Variants in BRWD1 observed in about 807,000 individuals in gnomAD.
BRWD1 encodes bromodomain and WD repeat domain containing 1.
A neutral mutation model predicts 251.2 loss-of-function variants in BRWD1; 82 were observed. The ratio of observed to expected loss-of-function variants is 0.33; its 90% confidence interval spans 0.27 to 0.39. BRWD1 has a LOEUF of 0.39. Ranked by LOEUF, BRWD1 falls within the 10% of genes least tolerant of loss-of-function variation. The pLI is 1.00. For synonymous variants in BRWD1, 918 were observed against 902.8 expected (o/e 1.02, Z -0.30); for missense variants, 2,233 against 2,711.6 (o/e 0.82, Z 3.92).
intron 29 of BRWD1, among the ~76,000 whole-genome samples, chr21:39,223,751 C>T (rs1439646069): frequency 6.6e-6 from 1 of 152,104 alleles, no homozygotes; most frequent in African/African-American, 2.4e-5. Context: ...AAGCAGAAGA[C>T]AGATGGAAGT....
rs144133690 is a variant in BRWD1, at chr21:39,254,324, T to C, written c.2255+1321A>G. 5.3e-4 allele frequency among the ~76,000 whole-genome samples: 81 copies of C among 152,312 alleles called. 2 individuals are homozygous for C. In the East Asian group the frequency reaches 0.012, roughly 22 times the overall value. Reference sequence around the variant, plus strand: ...AAATAGGGCTGCTTAATTTCAGATATAGGTCAAAAATTTACAAGATGAACT... The same window carrying C: ...AAATAGGGCTGCTTAATTTCAGATACAGGTCAAAAATTTACAAGATGAACT... On this transcript the variant is annotated intron_variant, in intron 19 of 40. Transcript: ENST00000342449.
Position 39,258,497 on chromosome 21 carries a change from T to C in BRWD1, c.2061A>G (p.Thr687=). The C allele has an allele frequency of 1.9e-6, 3 of 1,594,034 alleles. No individual in the cohort carries two copies. Among genetic ancestry groups the C allele is most frequent in the Non-Finnish European group, 2.6e-6 (3 of 1,170,464 alleles). Residue 687 remains threonine, a synonymous_variant, in exon 18 of 41, where the codon ACA becomes ACG. Coordinates refer to ENST00000342449, the MANE Select transcript of BRWD1 (RefSeq NM_033656.4). ...ATCACTATTTATTACCTCTCCGGGGTGTTTCTTCACCATTTGAAAGTCCTC... is the reference window on the plus strand; with the variant it reads ...ATCACTATTTATTACCTCTCCGGGGCGTTTCTTCACCATTTGAAAGTCCTC... ...IPRGLSNGEE[T]PRRGFRRLSL...
chr21:39,278,274 A>C (rs995404600), intron 10 of BRWD1, among the ~76,000 whole-genome samples: 6 of 152,222 alleles, frequency 3.9e-5, no homozygotes, highest in African/African-American at 7.2e-5. Flanking sequence ...AGCTTGTTCA[A>C]GTTTTCAGAT....
upstream of BRWD1, among the ~76,000 whole-genome samples, chr21:39,316,554 T>TA (rs2036700615): frequency 6.6e-6 from 1 of 152,220 alleles, no homozygotes; most frequent in African/African-American, 2.4e-5. Context: ...CCCCTAAAGA[T>TA]ATTACAAGAA....
chr21:39,221,130 G>A (rs1035147784), intron 29 of BRWD1, among the ~76,000 whole-genome samples: 1 of 147,252 alleles, frequency 6.8e-6, no homozygotes, highest in East Asian at 2.0e-4. Context: ...ACTCCAGCCT[G>A]GGCAACAAAG....
At chr21:39,258,774 C>T (rs1050761443) in intron 17 of BRWD1, 102 bp from the exon 18 acceptor site, 4 of 766,984 alleles carry the variant, frequency 5.2e-6, no homozygotes, top group Non-Finnish European at 7.5e-6. Context: ...GTCAGAATTT[C>T]CCATTTTTGA....
intron 5 of BRWD1, chr21:39,296,685 T>C (rs549661282): frequency 2.3e-6 from 2 of 870,248 alleles, no homozygotes; most frequent in East Asian, 2.0e-4. Context: ...GTGAGGTAAC[T>C]GAGGCTCAAA....
At chr21:39,242,063 AAG>A (rs1445548966) in intron 21 of BRWD1, among the ~76,000 whole-genome samples, 1 of 152,226 alleles carries the variant, frequency 6.6e-6, no homozygotes, top group Non-Finnish European at 1.5e-5. Context: ...TCAAAAATGA[AAG>A]AGTCACACAT....
chr21:39,294,047 A>T lies in BRWD1; in HGVS notation c.610-15T>A, dbSNP rs753199098. The T allele has an allele frequency of 6.2e-7, 1 of 1,600,772 alleles. No homozygotes were observed. Among genetic ancestry groups the T allele is most frequent in the Non-Finnish European group, 8.6e-7 (1 of 1,169,386 alleles). On this transcript the variant is annotated splice_polypyrimidine_tract_variant and intron_variant, in intron 7 of 40. Transcript: ENST00000342449. ...TCATCTGAACCCTAAGAAAAAATATATCCAAAAATTAATGTTAGTACAGCA... is the reference window on the plus strand; with the variant it reads ...TCATCTGAACCCTAAGAAAAAATATTTCCAAAAATTAATGTTAGTACAGCA...
chr21:39,313,302 G>T lies in BRWD1; in HGVS notation c.50-3C>A. On this transcript the variant is annotated splice_polypyrimidine_tract_variant and splice_region_variant and intron_variant, in intron 1 of 40. Transcript: ENST00000342449. ...CCGGGCGATAAGGAAGTACAGCTCT[G>T]CGGGAAGACAAGGAGTCAGGTCAAG... 6.4e-7 allele frequency: 1 copy of T among 1,551,974 alleles called. No homozygotes were observed. The highest frequency in any genetic ancestry group is 8.8e-7 in the Non-Finnish European group (1 of 1,141,610).
intron 22 of BRWD1, 62 bp from the exon 23 acceptor site, chr21:39,236,846 A>G: frequency 7.1e-7 from 1 of 1,412,290 alleles, no homozygotes; most frequent in South Asian, 1.3e-5. Context: ...TAGCAAGTCA[A>G]TCATATAAAA....
Position 39,189,681 on chromosome 21 carries a change from A to G in BRWD1, c.*6578T>C. The G allele has an allele frequency of 1.0e-5, 10 of 981,970 alleles. No homozygotes were observed. The highest frequency in any genetic ancestry group is 1.2e-5 in the Non-Finnish European group (10 of 826,808). The allele number at this position is 981,970 out of a possible 1,614,324, so 60.8% of individuals were successfully genotyped here. On this transcript the variant is annotated 3_prime_UTR_variant, in exon 41 of 41. Coordinates refer to ENST00000342449, the MANE Select transcript of BRWD1 (RefSeq NM_033656.4). ...TCTGAGGAAGACAAAACTGTGGAGA[A>G]TTTTTTTAAATACATTCAAGTCAGT...
rs760586678 is a variant in BRWD1 at position 39,206,324 on chromosome 21, C to T, written c.4198-50G>A. 3.0e-6 allele frequency: 4 copies of T among 1,319,414 alleles called. No individual in the cohort carries two copies. In the African/African-American group the frequency reaches 5.9e-5, roughly 20 times the overall value. 81.7% of individuals were successfully genotyped at this position (1,319,414 alleles called of 1,614,324 possible). On this transcript the variant is annotated intron_variant, in intron 36 of 40. Transcript: ENST00000342449. ...GAATTACAAAATAGCCTTAAAAGTA[C>T]TTAAGAAATAATTGTAATCATTGAG...
chr21:39,294,395 CG>C (rs1195186644), intron 7 of BRWD1, among the ~76,000 whole-genome samples: 4 of 152,178 alleles, frequency 2.6e-5, no homozygotes, highest in African/African-American at 9.6e-5. Context: ...CAGTGGCTCA[CG>C]CCTGTAATCC....
intron 10 of BRWD1, 42 bp downstream of exon 10, chr21:39,278,701 T>TAA (rs111898109): frequency 8.8e-4 from 954 of 1,081,964 alleles, no homozygotes; most frequent in South Asian, 1.8e-3. Context: ...AATAGATGTT[T>TAA]AAAAAAAAAA....
chr21:39,236,512 G>A (rs1268041311), intron 23 of BRWD1, 83 bp downstream of exon 23: 38 of 1,248,942 alleles, frequency 3.0e-5, no homozygotes, highest in African/African-American at 6.0e-5. Flanking sequence ...CCAGTATCAC[G>A]AGAAATGTTA....
chr21:39,269,440 G>C (rs2035033287), intron 15 of BRWD1, among the ~76,000 whole-genome samples: 1 of 151,688 alleles, frequency 6.6e-6, no homozygotes, highest in Non-Finnish European at 1.5e-5. Context: ...AGTGTTAGGA[G>C]TTCAGAGCCA....
intron 31 of BRWD1, 49 bp downstream of exon 31, chr21:39,218,103 A>G (rs747304555): frequency 2.7e-5 from 42 of 1,539,908 alleles, no homozygotes; most frequent in Non-Finnish European, 3.6e-5. Context: ...CCTAGTCAAT[A>G]TTGCCAAATA....
At chr21:39,264,738 GAAACAAATATT>G in intron 16 of BRWD1, 53 bp from the exon 17 acceptor site, 1 of 1,500,442 alleles carries the variant, frequency 6.7e-7, no homozygotes, top group Non-Finnish European at 9.0e-7. Context: ...CATTTTAAAG[GAAACAAATATT>G]AAACAGTTAA....
Sources: gnomAD v4.1 joint callset for allele counts (sites outside exome capture counted in the v4.1 genomes callset) on GRCh38, gnomAD v4.1.1 for gene constraint, MANE v1.5 for transcripts, NCBI Gene and HGNC (gene_info 2026-07-23, HGNC 2026-07-21) for gene names.